Variants in KLHDC2 observed in about 807,000 individuals in gnomAD.
KLHDC2 encodes kelch domain containing 2, also known as kelch domain-containing protein 2.
A neutral mutation model predicts 62.3 loss-of-function variants in KLHDC2; 38 were observed. That is an observed-to-expected ratio of 0.61 (90% confidence interval 0.47 to 0.80). The LOEUF is 0.80. Ranked by LOEUF, KLHDC2 falls within the 30% of genes least tolerant of loss-of-function variation. The pLI is 0.00. For synonymous variants in KLHDC2, 159 were observed against 161.0 expected (o/e 0.99, Z 0.09); for missense variants, 430 against 495.3 (o/e 0.87, Z 1.25).
Position 49,784,901 on chromosome 14 carries a change from T to TGGTAAA in KLHDC2, c.*1948_*1949insGGTAAA. On this transcript the variant is annotated 3_prime_UTR_variant, in exon 13 of 13. Coordinates refer to ENST00000298307, the MANE Select transcript of KLHDC2 (RefSeq NM_014315.3). ...TAAATTGTACTGTCAGTCTCCACATTCCTTTTCTGAAGGAGAACTTTACCT... is the reference window on the plus strand; with the variant it reads ...TAAATTGTACTGTCAGTCTCCACATTGGTAAACCTTTTCTGAAGGAGAACTTTACCT... 6 of 1,595,438 alleles carry TGGTAAA rather than the reference T, an allele frequency of 3.8e-6. No homozygotes were observed. Among genetic ancestry groups the TGGTAAA allele is most frequent in the Non-Finnish European group, 4.3e-6 (5 of 1,164,258 alleles).
chr14:49,782,785 A>G (rs1594708818), intron 12 of KLHDC2, 45 bp from the exon 13 acceptor site: 1 of 1,593,950 alleles, frequency 6.3e-7, no homozygotes, highest in African/African-American at 1.3e-5. Context: ...TGTACTTCCA[A>G]ACAGTAAAGT....
intron 4 of KLHDC2, 58 bp downstream of exon 4, chr14:49,778,012 G>C: frequency 9.1e-7 from 1 of 1,100,512 alleles, no homozygotes; most frequent in Non-Finnish European, 1.4e-6. Flanking sequence ...TACCATTCAG[G>C]TATCCTTAGC....
chr14:49,776,414 G>A (rs928682631), intron 3 of KLHDC2, among the ~76,000 whole-genome samples: 3 of 152,134 alleles, frequency 2.0e-5, no homozygotes, highest in Non-Finnish European at 4.4e-5. Context: ...GATATATTCA[G>A]TTGCCTGGAT....
intron 9 of KLHDC2, 63 bp downstream of exon 9, chr14:49,780,385 A>G: frequency 8.9e-7 from 1 of 1,122,462 alleles, no homozygotes; most frequent in South Asian, 1.2e-5. Flanking sequence ...ATAGCTGAAA[A>G]TGAGTCTATT....
chr14:49,771,719 C>G, intron 2 of KLHDC2, 46 bp downstream of exon 2: 2 of 980,708 alleles, frequency 2.0e-6, no homozygotes, highest in Non-Finnish European at 3.3e-6. Context: ...CAGATAAGGG[C>G]TGGGCACGGT....
chr14:49,771,307 T>C (rs868107238), intron 1 of KLHDC2, among the ~76,000 whole-genome samples: 21 of 151,250 alleles, frequency 1.4e-4, no homozygotes, highest in African/African-American at 5.1e-4. Flanking sequence ...CAGCCAAGAT[T>C]GCGCCACTGC....
At chr14:49,777,242 CA>C (rs1889791273) in intron 3 of KLHDC2, among the ~76,000 whole-genome samples, 2 of 151,902 alleles carry the variant, frequency 1.3e-5, no homozygotes, top group African/African-American at 4.8e-5. Flanking sequence ...TTTGGGGACT[CA>C]GGGGTAAAGG....
Position 49,768,422 on chromosome 14 carries a change from C to T in KLHDC2, c.-47C>T, listed in dbSNP as rs775442450. On this transcript the variant is annotated 5_prime_UTR_variant, in exon 1 of 13. Transcript: ENST00000298307. ...TCTCCTTTTCCTTTGTTTTTTTGGC[C>T]CCTCGCGGGTGTGGGCATTGTTGGT... 2.5e-6 allele frequency: 4 copies of T among 1,578,100 alleles called. No homozygotes were observed. The highest frequency in any genetic ancestry group is 3.4e-6 in the Non-Finnish European group (4 of 1,163,958).
At chr14:49,780,190 T>C (rs770952164) in intron 8 of KLHDC2, 23 bp from the exon 9 acceptor site, 4 of 1,402,732 alleles carry the variant, frequency 2.9e-6, no homozygotes, top group Admixed American at 3.4e-5. Context: ...ATGCAGATAT[T>C]GTAACTTAGC....
chr14:49,780,315 G>A lies in KLHDC2; in HGVS notation c.876G>A (p.Gln292=). ...FLFGGFTTDK[Q]PLSDAWTYCI... is the part of the protein sequence containing the mutation. ...TTGGAGGATTTACCACTGATAAACA[G>A]CCACTAAGTAAGTCCTTGAAAAATA... Residue 292 remains glutamine, a synonymous_variant, in exon 9 of 13, where the codon CAG becomes CAA. Coordinates refer to ENST00000298307, the MANE Select transcript of KLHDC2 (RefSeq NM_014315.3). 2.5e-6 allele frequency: 4 copies of A among 1,577,130 alleles called. No homozygotes were observed. The highest frequency in any genetic ancestry group is 3.5e-6 in the Non-Finnish European group (4 of 1,146,318).
At chr14:49,779,527 C>A in intron 6 of KLHDC2, 68 bp from the exon 7 acceptor site, 1 of 1,186,938 alleles carries the variant, frequency 8.4e-7, no homozygotes, top group South Asian at 1.3e-5. Flanking sequence ...TATCCCATAT[C>A]CAGAGTAGAC....
At chr14:49,779,170 A>T (rs1889834142) in intron 6 of KLHDC2, among the ~76,000 whole-genome samples, 1 of 152,184 alleles carries the variant, frequency 6.6e-6, no homozygotes, top group African/African-American at 2.4e-5. Flanking sequence ...AAATTTTCAG[A>T]TTTGGAGCAT....
chr14:49,783,082 A>G lies in KLHDC2; in HGVS notation c.*129A>G. 7 of 896,716 alleles carry G rather than the reference A, an allele frequency of 7.8e-6. No homozygotes were observed. The highest frequency in any genetic ancestry group is 1.2e-5 in the Non-Finnish European group (7 of 608,534). The allele number at this position is 896,716 out of a possible 1,614,324, so 55.5% of individuals were successfully genotyped here. On this transcript the variant is annotated 3_prime_UTR_variant, in exon 13 of 13. Coordinates refer to ENST00000298307, the MANE Select transcript of KLHDC2 (RefSeq NM_014315.3). ...CCTGTTGGTTTTAATGTGCATGTGAATGGCCTAGAGAACCTATTTTTGTGT... is the reference window on the plus strand; with the variant it reads ...CCTGTTGGTTTTAATGTGCATGTGAGTGGCCTAGAGAACCTATTTTTGTGT...
chr14:49,769,963 G>C (rs1889627921), intron 1 of KLHDC2, among the ~76,000 whole-genome samples: 1 of 122,596 alleles, frequency 8.2e-6, no homozygotes. Flanking sequence ...GAAAGGGGTA[G>C]AGAATTGCAA....
At position 49,780,698 on chromosome 14, in the gene KLHDC2, A is replaced by G; in HGVS notation, c.884-5A>G. ...TAACATACTTCATTTCTTTGCTTGA[A>G]TCAGGTGATGCCTGGACTTACTGCA... is the stretch of plus-strand genomic sequence containing the variant. On this transcript the variant is annotated splice_region_variant and splice_polypyrimidine_tract_variant and intron_variant, in intron 9 of 12. Coordinates refer to ENST00000298307, the MANE Select transcript of KLHDC2 (RefSeq NM_014315.3). 6.3e-7 allele frequency: 1 copy of G among 1,591,904 alleles called. No individual in the cohort carries two copies. The highest frequency in any genetic ancestry group is 2.2e-5 in the East Asian group (1 of 44,776).
chr14:49,784,329 T>C lies in KLHDC2; in HGVS notation c.*1376T>C, dbSNP rs1201998540. ...AATCAAGCCACTTCACTGTTCAGTT[T>C]CTTTACATCATGAAATGAATACTTG... is the stretch of plus-strand genomic sequence containing the variant. On this transcript the variant is annotated 3_prime_UTR_variant, in exon 13 of 13. Transcript: ENST00000298307. 1 of 228,144 alleles carries C rather than the reference T, an allele frequency of 4.4e-6. No individual in the cohort carries two copies. The highest frequency in any genetic ancestry group is 2.3e-5 in the African/African-American group (1 of 43,466). 14.1% of individuals were successfully genotyped at this position (228,144 alleles called of 1,614,324 possible). A position where few individuals can be genotyped will look rare whatever the true frequency, so the allele number is the denominator to read the frequency against.
chr14:49,772,230 A>AT (rs1472590934), intron 2 of KLHDC2, among the ~76,000 whole-genome samples: 2 of 152,244 alleles, frequency 1.3e-5, no homozygotes, highest in South Asian at 2.1e-4. Context: ...TAAGTGTTCC[A>AT]TTTTTTTCAA....
intron 6 of KLHDC2, among the ~76,000 whole-genome samples, chr14:49,778,709 T>G (rs1026214161): frequency 6.6e-6 from 1 of 152,030 alleles, no homozygotes; most frequent in African/African-American, 2.4e-5. Context: ...CAGCATCTAT[T>G]ACCTAATAAT....
In KLHDC2 at chr14:49,784,868, T is replaced by C. The variant is rs1890086808; in HGVS notation, c.*1915T>C. 5 of 1,492,564 alleles carry C rather than the reference T, an allele frequency of 3.3e-6. No individual in the cohort carries two copies. The highest frequency in any genetic ancestry group is 2.8e-6 in the Non-Finnish European group (3 of 1,078,302). The allele number at this position is 1,492,564 out of a possible 1,614,324, so 92.5% of individuals were successfully genotyped here. A position where few individuals can be genotyped will look rare whatever the true frequency, so the allele number is the denominator to read the frequency against. On this transcript the variant is annotated 3_prime_UTR_variant, in exon 13 of 13. Coordinates refer to ENST00000298307, the MANE Select transcript of KLHDC2 (RefSeq NM_014315.3). The stretch of plus-strand genomic sequence containing the variant: ...TTCTACTAAAATAACAAAAAACTGC[T>C]AACATTTTAAATTGTACTGTCAGTC...
Sources: allele counts gnomAD v4.1 joint callset (sites outside exome capture counted in the v4.1 genomes callset), GRCh38; gene constraint gnomAD v4.1.1; transcripts MANE v1.5; gene names NCBI Gene and HGNC (gene_info 2026-07-23, HGNC 2026-07-21).